The following PARP8 variants were observed in gnomAD, a reference collection of about 807,000 sequenced individuals.
PARP8 encodes poly(ADP-ribose) polymerase family member 8, also known as protein mono-ADP-ribosyltransferase PARP8.
Under a neutral mutation model 124.1 loss-of-function variants are expected in PARP8, and 51 were observed. The ratio of observed to expected loss-of-function variants is 0.41; its 90% CI spans 0.33 to 0.52. The LOEUF is 0.52. Among genes scored for constraint, PARP8 ranks in the 20% least tolerant of loss-of-function variants. The probability of loss-of-function intolerance (pLI) is 0.21; values close to 1 mark genes in which losing one functional copy is unlikely to be tolerated. For synonymous variants in PARP8, 391 were observed against 361.5 expected, an observed-to-expected ratio of 1.08 and a Z score of -0.93; for missense variants, 860 against 1,018.9, an observed-to-expected ratio of 0.84 and a Z score of 2.12.
intron 2 of PARP8, among the ~76,000 whole-genome samples, chr5:50,737,703 C>G (rs1354282572): frequency 6.6e-6 from 1 of 152,130 alleles, no homozygotes; most frequent in African/African-American, 2.4e-5. Flanking sequence ...TATGAAAAAT[C>G]TACATTTAGA....
chr5:50,676,103 T>C (rs2354533), intron 2 of PARP8, among the ~76,000 whole-genome samples: 1 of 152,124 alleles, frequency 6.6e-6, no homozygotes, highest in Non-Finnish European at 1.5e-5. Flanking sequence ...TTTATGCATA[T>C]CCAAGATGTG....
chr5:50,668,019 G>A, intron 1 of PARP8, 52 bp from the exon 2 acceptor site: 1 of 1,611,196 alleles, frequency 6.2e-7, no homozygotes, highest in Non-Finnish European at 8.5e-7. Context: ...CCTGATCGGG[G>A]TTAAAACAAA....
intron 2 of PARP8, among the ~76,000 whole-genome samples, chr5:50,749,511 G>A (rs1336811039): frequency 6.6e-6 from 1 of 152,012 alleles, no homozygotes; most frequent in Non-Finnish European, 1.5e-5. Context: ...GTACATAGAG[G>A]CAGCAGGGTT....
chr5:50,718,428 T>A (rs1755537017), intron 2 of PARP8, among the ~76,000 whole-genome samples: 1 of 151,890 alleles, frequency 6.6e-6, no homozygotes, highest in Non-Finnish European at 1.5e-5. Context: ...TATGTACACA[T>A]ATGTGTGTGT....
At chr5:50,764,069 C>G (rs1760824512) in intron 7 of PARP8, among the ~76,000 whole-genome samples, 5 of 152,182 alleles carry the variant, frequency 3.3e-5, no homozygotes, top group Admixed American at 1.3e-4. Flanking sequence ...AAGCCCCAGT[C>G]CATGGGTCAG....
chr5:50,692,884 T>C (rs1752646460), intron 2 of PARP8, among the ~76,000 whole-genome samples: 1 of 152,156 alleles, frequency 6.6e-6, no homozygotes, highest in Non-Finnish European at 1.5e-5. Context: ...CCTGTATTCA[T>C]TCATCTCTTC....
At chr5:50,815,339 C>A in intron 14 of PARP8, 93 bp from the exon 15 acceptor site, 2 of 844,152 alleles carry the variant, frequency 2.4e-6, no homozygotes, top group Admixed American at 3.1e-5. Context: ...TTAAACCTTG[C>A]ATTTTCTATT....
chr5:50,767,525 G>A (rs1276570083), intron 7 of PARP8, among the ~76,000 whole-genome samples: 1 of 152,178 alleles, frequency 6.6e-6, no homozygotes, highest in African/African-American at 2.4e-5. Context: ...CCCAACGCAA[G>A]GGCTTTCTCC....
intron 7 of PARP8, 23 bp downstream of exon 7, chr5:50,763,265 T>C (rs775932877): frequency 2.0e-6 from 3 of 1,537,284 alleles, no homozygotes; most frequent in Non-Finnish European, 2.7e-6. Context: ...CACTGGTGAA[T>C]AAAATTAAAG....
At chr5:50,716,320 AATGATCTAATTGGCTTTT>A (rs1326634417) in intron 2 of PARP8, among the ~76,000 whole-genome samples, 2 of 152,134 alleles carry the variant, frequency 1.3e-5, no homozygotes, top group Admixed American at 6.6e-5. Context: ...AATTGAGTTT[AATGATCTAATTGGCTTTT>A]ATTAGTGATT....
chr5:50,780,173 C>T (rs1455768617), intron 9 of PARP8, among the ~76,000 whole-genome samples: 1 of 152,076 alleles, frequency 6.6e-6, no homozygotes, highest in Non-Finnish European at 1.5e-5. Context: ...AGGCTGTCTT[C>T]AAGTCATTAA....
intron 2 of PARP8, among the ~76,000 whole-genome samples, chr5:50,672,048 C>G (rs2149432749): frequency 6.6e-6 from 1 of 152,316 alleles, no homozygotes; most frequent in African/African-American, 2.4e-5. Flanking sequence ...CTTCCTCTTT[C>G]TCCTGAGCCT....
chr5:50,725,509 A>T (rs1211575682), intron 2 of PARP8, among the ~76,000 whole-genome samples: 1 of 152,144 alleles, frequency 6.6e-6, no homozygotes, highest in Admixed American at 6.6e-5. Flanking sequence ...CTGGGAAAAT[A>T]TTGGCTAAAT....
chr5:50,825,264 C>T (rs1219314874), intron 18 of PARP8, among the ~76,000 whole-genome samples: 1 of 152,172 alleles, frequency 6.6e-6, no homozygotes, highest in Non-Finnish European at 1.5e-5. Context: ...ATGTGATTAA[C>T]TAGCTTATGT....
At chr5:50,829,759 T>A in intron 21 of PARP8, 133 bp from the exon 22 acceptor site, 1 of 801,544 alleles carries the variant, frequency 1.2e-6, no homozygotes, top group East Asian at 2.9e-5. Flanking sequence ...GTTTTCAAAT[T>A]AGACCTTGGA....
intron 3 of PARP8, among the ~76,000 whole-genome samples, chr5:50,754,116 C>CATATATATATATATATATATATATAT (rs373375463): frequency 2.0e-4 from 13 of 64,626 alleles, no homozygotes; most frequent in East Asian, 5.4e-4. Flanking sequence ...TGAAAACATT[C>CATATATATATATATATATATATATAT]ATATATATAT....
At chr5:50,758,865 A>C (rs1760242700) in intron 3 of PARP8, among the ~76,000 whole-genome samples, 1 of 151,764 alleles carries the variant, frequency 6.6e-6, no homozygotes, top group Non-Finnish European at 1.5e-5. Context: ...TTAAAGAGGA[A>C]ACAAATAGTG....
intron 14 of PARP8, among the ~76,000 whole-genome samples, chr5:50,801,841 T>A (rs1244026200): frequency 3.3e-5 from 5 of 152,228 alleles, no homozygotes; most frequent in African/African-American, 1.2e-4. Flanking sequence ...ATCTTCTTGA[T>A]GTTCTGACTC....
chr5:50,688,735 T>C (rs970801802), intron 2 of PARP8, among the ~76,000 whole-genome samples: 6 of 151,404 alleles, frequency 4.0e-5, no homozygotes, highest in Admixed American at 4.0e-4. Context: ...AGCTTGACTC[T>C]TGAAGTATTA....
Sources: gnomAD v4.1 joint callset for allele counts (sites outside exome capture counted in the v4.1 genomes callset) on GRCh38, gnomAD v4.1.1 for gene constraint, MANE v1.5 for transcripts, NCBI Gene and HGNC (gene_info 2026-07-23, HGNC 2026-07-21) for gene names.